The following RXFP2 variants were observed in gnomAD, a reference collection of about 807,000 sequenced individuals.
RXFP2 encodes the protein relaxin family peptide receptor 2.
In RXFP2, 68 loss-of-function variants were observed where a neutral mutation model predicts 88.6. That is an observed-to-expected ratio of 0.77 (90% CI 0.63 to 0.94). The LOEUF is 0.94. RXFP2 is among the 40% of genes least tolerant of loss of function. The probability of loss-of-function intolerance (pLI) is 0.00; values close to 1 mark genes in which losing one functional copy is unlikely to be tolerated. For synonymous variants in RXFP2, 329 were observed against 306.8 expected, an observed-to-expected ratio of 1.07 and a Z score of -0.76; for missense variants, 791 against 893.9, an observed-to-expected ratio of 0.88 and a Z score of 1.47.
intron 1 of RXFP2, among the ~76,000 whole-genome samples, chr13:31,750,308 A>G (rs866914017): frequency 2.1e-4 from 32 of 152,080 alleles, no homozygotes; most frequent in African/African-American, 6.5e-4. Flanking sequence ...CATTTTTCAT[A>G]AAGCCAAATG....
intron 4 of RXFP2, among the ~76,000 whole-genome samples, chr13:31,765,560 A>T (rs1872518118): frequency 6.6e-6 from 1 of 151,976 alleles, no homozygotes; most frequent in African/African-American, 2.4e-5. Context: ...ATCATGCAAA[A>T]TTTTCTGTAC....
chr13:31,786,011 G>A (rs1013494057), intron 11 of RXFP2, among the ~76,000 whole-genome samples: 2 of 152,148 alleles, frequency 1.3e-5, no homozygotes, highest in Non-Finnish European at 2.9e-5. Flanking sequence ...AAGTGTAGTT[G>A]GATAAACAAG....
At position 31,761,805 on chromosome 13, in the gene RXFP2, A is replaced by G; in HGVS notation, c.319+4A>G. 6.3e-7 allele frequency: 1 copy of G among 1,599,548 alleles called. No individual in the cohort carries two copies. The highest frequency in any genetic ancestry group is 1.3e-5 in the African/African-American group (1 of 74,748). On this transcript the variant is annotated splice_donor_region_variant and intron_variant, in intron 3 of 17. Transcript: ENST00000298386. Reference sequence around the variant, plus strand: ...GTGGCCTTAACACAGGAGTGCTGTAAGTGGTTTTGATTCAAAGACAGTATC... The same window carrying G: ...GTGGCCTTAACACAGGAGTGCTGTAGGTGGTTTTGATTCAAAGACAGTATC...
chr13:31,797,185 G>A lies in RXFP2; in HGVS notation c.1787-16G>A, dbSNP rs750519157. On this transcript the variant is annotated splice_polypyrimidine_tract_variant and intron_variant, in intron 16 of 17. Coordinates refer to ENST00000298386, the MANE Select transcript of RXFP2 (RefSeq NM_130806.5). ...CTTTTACGCCTGAGATGTTAAAAGT[G>A]TGCTTTTCCCAACAGGTGTGAACTT... The A allele has an allele frequency of 2.6e-6, 4 of 1,553,634 alleles. No individual in the cohort carries two copies. The highest frequency in any genetic ancestry group is 3.6e-6 in the Non-Finnish European group (4 of 1,124,868).
At chr13:31,741,557 A>G (rs1040544869) in intron 1 of RXFP2, among the ~76,000 whole-genome samples, 6 of 152,148 alleles carry the variant, frequency 3.9e-5, no homozygotes, top group Non-Finnish European at 7.4e-5. Context: ...TTTTTAATTT[A>G]AATAATATTT....
At chr13:31,781,575 A>C in intron 9 of RXFP2, 96 bp from the exon 10 acceptor site, 1 of 835,630 alleles carries the variant, frequency 1.2e-6, no homozygotes, top group Non-Finnish European at 2.0e-6. Flanking sequence ...AACTGGAATG[A>C]AGTAAAAATA....
intron 3 of RXFP2, among the ~76,000 whole-genome samples, chr13:31,762,112 G>A (rs1300948811): frequency 6.6e-6 from 1 of 152,204 alleles, no homozygotes; most frequent in Admixed American, 6.5e-5. Flanking sequence ...TAGGCACTGA[G>A]AGGACAACGA....
At chr13:31,791,725 G>T in intron 14 of RXFP2, 81 bp from the exon 15 acceptor site, 1 of 918,908 alleles carries the variant, frequency 1.1e-6, no homozygotes, top group Admixed American at 1.7e-5. Context: ...ACCTAGCATG[G>T]AGTTGCAGCC....
chr13:31,756,615 G>C (rs1361960495), intron 1 of RXFP2, among the ~76,000 whole-genome samples: 3 of 134,170 alleles, frequency 2.2e-5, no homozygotes, highest in African/African-American at 8.7e-5. Context: ...TTTCTGTGAA[G>C]TTCCAATTTT....
intron 16 of RXFP2, among the ~76,000 whole-genome samples, chr13:31,794,007 T>C (rs1169119967): frequency 2.0e-5 from 3 of 152,164 alleles, no homozygotes; most frequent in Non-Finnish European, 4.4e-5. Context: ...ACCATTGTTA[T>C]ATTCTCTGAC....
In RXFP2 at chr13:31,802,546, C is replaced by A; in HGVS notation, c.*141C>A. On this transcript the variant is annotated 3_prime_UTR_variant, in exon 18 of 18. Coordinates refer to ENST00000298386, the MANE Select transcript of RXFP2 (RefSeq NM_130806.5). ...GAGCACAGCAGAATGGCTCCTGTCA[C>A]TGCATTCCAATGGCAGCTGTACTAT... The A allele has an allele frequency of 2.2e-6, 2 of 913,210 alleles. No homozygotes were observed. The highest frequency in any genetic ancestry group is 1.8e-6 in the Non-Finnish European group (1 of 563,596). The allele number at this position is 913,210 out of a possible 1,614,324, so 56.6% of individuals were successfully genotyped here. A position where few individuals can be genotyped will look rare whatever the true frequency, so the allele number is the denominator to read the frequency against.
intron 5 of RXFP2, among the ~76,000 whole-genome samples, chr13:31,772,899 C>T (rs750298304): frequency 6.6e-6 from 1 of 152,164 alleles, no homozygotes; most frequent in Non-Finnish European, 1.5e-5. Context: ...CAAGATGTGA[C>T]AACATGTAGG....
At chr13:31,771,779 G>A (rs1872743135) in intron 5 of RXFP2, among the ~76,000 whole-genome samples, 2 of 138,812 alleles carry the variant, frequency 1.4e-5, no homozygotes, top group Non-Finnish European at 3.1e-5. Flanking sequence ...GCAATGGAGC[G>A]TAACTCTGTC....
chr13:31,794,773 C>G (rs979440708), intron 16 of RXFP2, among the ~76,000 whole-genome samples: 1 of 152,044 alleles, frequency 6.6e-6, no homozygotes, highest in Non-Finnish European at 1.5e-5. Flanking sequence ...AGCCAGGGAA[C>G]AGGGTAAGAT....
At position 31,758,305 on chromosome 13, in the gene RXFP2, G is replaced by C; in HGVS notation, c.142G>C (p.Gly48Arg). The change falls in exon 2 of 18, where the codon GGA becomes CGA. Residue 48 changes from glycine (G) to arginine (R), a missense_variant. Gly to Arg is a moderately radical substitution (Grantham distance 125, BLOSUM62 -2). Coordinates refer to ENST00000298386, the MANE Select transcript of RXFP2 (RefSeq NM_130806.5). ...CATGATCACTCCTTCATGCCAAAAA[G>C]GATATTTTCCCTGTGGGAATCTTAC... is the stretch of plus-strand genomic sequence containing the variant. ...GSMITPSCQK[G>R]YFPCGNLTKC... is the part of the protein sequence containing the mutation. 1 of 1,614,110 alleles carries C rather than the reference G, an allele frequency of 6.2e-7. No individual in the cohort carries two copies. Among genetic ancestry groups the C allele is most frequent in the Non-Finnish European group, 8.5e-7 (1 of 1,179,994 alleles).
intron 13 of RXFP2, among the ~76,000 whole-genome samples, chr13:31,787,118 T>C (rs1231994141): frequency 6.6e-6 from 1 of 152,248 alleles, no homozygotes. Context: ...TTTTTACATT[T>C]CAACCATATT....
At chr13:31,776,360 A>G (rs1872982242) in intron 7 of RXFP2, among the ~76,000 whole-genome samples, 1 of 147,182 alleles carries the variant, frequency 6.8e-6, no homozygotes, top group Non-Finnish European at 1.5e-5. Flanking sequence ...GACTCAAGCA[A>G]TCCTCCCACC....
At chr13:31,787,200 T>C (rs1230347682) in intron 13 of RXFP2, among the ~76,000 whole-genome samples, 1 of 152,206 alleles carries the variant, frequency 6.6e-6, no homozygotes, top group African/African-American at 2.4e-5. Context: ...TGGATGGCAA[T>C]TGCTGGCTAA....
chr13:31,766,804 T>A (rs1473827271), intron 5 of RXFP2, among the ~76,000 whole-genome samples: 1 of 152,216 alleles, frequency 6.6e-6, no homozygotes, highest in Non-Finnish European at 1.5e-5. Context: ...ATAAGTGGGA[T>A]GGGATGCTTT....
Sources: allele counts gnomAD v4.1 joint callset (sites outside exome capture counted in the v4.1 genomes callset), GRCh38; gene constraint gnomAD v4.1.1; transcripts MANE v1.5; gene names NCBI Gene and HGNC (gene_info 2026-07-23, HGNC 2026-07-21).